Variants in ELF2 observed in about 807,000 individuals in gnomAD.
ELF2 encodes E74 like ETS transcription factor 2.
ELF2 carries 11 observed loss-of-function variants against 54.8 expected under a neutral mutation model. That is an observed-to-expected ratio of 0.20 (90% CI 0.13 to 0.33). ELF2 has a LOEUF of 0.33. Ranked by LOEUF, ELF2 falls within the 10% of genes least tolerant of loss-of-function variation. ELF2 has a pLI of 1.00. For synonymous variants in ELF2, 203 were observed against 245.1 expected (o/e 0.83, Z 1.61); for missense variants, 513 against 703.0 (o/e 0.73, Z 3.06).
intron 7 of ELF2, among the ~76,000 whole-genome samples, chr4:139,065,667 A>G (rs1235481442): frequency 1.3e-5 from 2 of 152,192 alleles, no homozygotes; most frequent in Non-Finnish European, 2.9e-5. Context: ...ATTATAACAC[A>G]CTGCCTCAAA....
At chr4:139,128,982 A>G (rs1737223873) in intron 3 of ELF2, among the ~76,000 whole-genome samples, 1 of 151,946 alleles carries the variant, frequency 6.6e-6, no homozygotes, top group South Asian at 2.1e-4. Flanking sequence ...CTCGTTGCCC[A>G]GGCTGGAGTG....
chr4:139,071,834 T>C (rs1212908169), intron 6 of ELF2, 32 bp downstream of exon 6: 8 of 1,549,968 alleles, frequency 5.2e-6, no homozygotes, highest in Non-Finnish European at 6.9e-6. Context: ...AATTTTCACC[T>C]GCCTTCTCAG....
Position 139,098,813 on chromosome 4 carries a change from G to A in ELF2, c.239-25246C>T, listed in dbSNP as rs148509565. On this transcript the variant is annotated intron_variant, in intron 4 of 9. Transcript: ENST00000686138. ...TTGGTTTATCTGTTATATATTAGCT[G>A]TTTCCATTCATTTAATTTTGCTTTA... Among the ~76,000 whole-genome samples the A allele has an allele frequency of 1.1e-4, 17 of 152,246 alleles. No individual in the cohort carries two copies. The East Asian group carries it at 3.3e-3, about 29-fold the overall frequency.
intron 4 of ELF2, among the ~76,000 whole-genome samples, chr4:139,077,607 CTT>C (rs1730490808): frequency 6.6e-6 from 1 of 152,040 alleles, no homozygotes; most frequent in Non-Finnish European, 1.5e-5. Flanking sequence ...AGTCAAGTAA[CTT>C]TTAACAGAAA....
intron 1 of ELF2, among the ~76,000 whole-genome samples, chr4:139,164,866 T>C (rs536701544): frequency 6.6e-6 from 1 of 152,324 alleles, no homozygotes; most frequent in African/African-American, 2.4e-5. Flanking sequence ...GAATTTCCCA[T>C]GATTTTACTA....
At chr4:139,091,420 AG>A (rs961027470) in intron 4 of ELF2, among the ~76,000 whole-genome samples, 7 of 152,264 alleles carry the variant, frequency 4.6e-5, no homozygotes, top group Non-Finnish European at 8.8e-5. Flanking sequence ...AGATGGAAAA[AG>A]CAACATAGCA....
intron 4 of ELF2, among the ~76,000 whole-genome samples, chr4:139,078,534 C>T (rs1451956090): frequency 6.7e-6 from 1 of 148,226 alleles, no homozygotes; most frequent in Non-Finnish European, 1.5e-5. Context: ...AATCAATATA[C>T]TTGCATTATA....
At chr4:139,146,881 T>C (rs886365385) in intron 1 of ELF2, among the ~76,000 whole-genome samples, 10 of 152,148 alleles carry the variant, frequency 6.6e-5, no homozygotes, top group African/African-American at 2.2e-4. Flanking sequence ...CAACTCAAGA[T>C]AGATCAAAGA....
intron 4 of ELF2, among the ~76,000 whole-genome samples, chr4:139,124,475 T>C (rs935825865): frequency 6.6e-6 from 1 of 152,200 alleles, no homozygotes; most frequent in African/African-American, 2.4e-5. Flanking sequence ...GTATAATGAT[T>C]CTTTTTCTCC....
At chr4:139,125,875 T>C (rs749717380) in intron 3 of ELF2, among the ~76,000 whole-genome samples, 51 of 152,054 alleles carry the variant, frequency 3.4e-4, no homozygotes, top group Non-Finnish European at 4.9e-4. Flanking sequence ...TTTTGATTCC[T>C]AGACCTTCTC....
intron 4 of ELF2, among the ~76,000 whole-genome samples, chr4:139,121,431 A>G (rs906926477): frequency 3.0e-4 from 45 of 151,936 alleles, no homozygotes; most frequent in Admixed American, 3.9e-4. Flanking sequence ...AAAGATTTCT[A>G]TCAACACTTA....
intron 5 of ELF2, among the ~76,000 whole-genome samples, chr4:139,072,630 A>G (rs1729676347): frequency 6.6e-6 from 1 of 152,250 alleles, no homozygotes; most frequent in African/African-American, 2.4e-5. Flanking sequence ...AACAGTAGGT[A>G]CAAATTGTTA....
In ELF2 at chr4:139,059,607, C is replaced by T. The variant is rs767446608; in HGVS notation, c.1158G>A (p.Arg386=). ...GTACCTGCATTGCCACACGAACTGT[C>T]CTAGTACATTAGAAAGAAAAAAGCT... ...TASVSATAAP[R]TVRVAMQVPV... The change falls in exon 10 of 10, where the codon AGG becomes AGA. Residue 386 remains arginine, a splice_region_variant and synonymous_variant. Transcript: ENST00000686138. 11 of 1,604,872 alleles carry T rather than the reference C, an allele frequency of 6.9e-6. No homozygotes were observed. The East Asian group carries it at 2.0e-4, about 29-fold the overall frequency.
At chr4:139,171,520 A>G (rs2148918195) in intron 1 of ELF2, among the ~76,000 whole-genome samples, 1 of 152,316 alleles carries the variant, frequency 6.6e-6, no homozygotes, top group Middle Eastern at 3.4e-3. Context: ...GAAAAAAGAT[A>G]CATGAAAAGA....
intron 1 of ELF2, among the ~76,000 whole-genome samples, chr4:139,153,427 C>A (rs1388116516): frequency 4.0e-5 from 6 of 151,232 alleles, no homozygotes; most frequent in Non-Finnish European, 8.8e-5. Flanking sequence ...AGAGGGAGAC[C>A]CTGTCTCAAA....
chr4:139,089,746 TTTATTCATCACATTATCTAAG>T (rs1470614996), intron 4 of ELF2, among the ~76,000 whole-genome samples: 1 of 152,220 alleles, frequency 6.6e-6, no homozygotes, highest in East Asian at 1.9e-4. Flanking sequence ...TTTACCCCAT[TTTATTCATCACATTATCTAAG>T]TTATTCATCA....
chr4:139,132,081 CA>C (rs1296731986), intron 3 of ELF2, among the ~76,000 whole-genome samples: 2 of 152,056 alleles, frequency 1.3e-5, no homozygotes, highest in Non-Finnish European at 2.9e-5. Context: ...GGTGAGCAGA[CA>C]AAAGATGGAT....
intron 1 of ELF2, among the ~76,000 whole-genome samples, chr4:139,171,281 T>C (rs996319380): frequency 1.3e-5 from 2 of 151,944 alleles, no homozygotes; most frequent in African/African-American, 4.8e-5. Context: ...GCATTCCCCA[T>C]TCCCAACTAC....
At chr4:139,095,189 T>TC (rs1733120142) in intron 4 of ELF2, among the ~76,000 whole-genome samples, 1 of 151,394 alleles carries the variant, frequency 6.6e-6, no homozygotes, top group African/African-American at 2.4e-5. Flanking sequence ...CTATAGATTT[T>TC]TTTTTTTTTT....
Sources: allele counts gnomAD v4.1 joint callset (sites outside exome capture counted in the v4.1 genomes callset), GRCh38; gene constraint gnomAD v4.1.1; transcripts MANE v1.5; gene names NCBI Gene and HGNC (gene_info 2026-07-23, HGNC 2026-07-21).